Variants in COL19A1 observed in about 807,000 individuals in gnomAD.
COL19A1 encodes the protein collagen alpha-1(XIX) chain.
Under a neutral mutation model 190.2 loss-of-function variants are expected in COL19A1, and 159 were observed. The observed-to-expected ratio is 0.84, with a 90% CI of 0.73 to 0.95. The LOEUF is 0.95. Ranked by LOEUF, COL19A1 falls within the 40% of genes least tolerant of loss-of-function variation. The probability of loss-of-function intolerance (pLI) is 0.00; values close to 1 mark genes in which losing one functional copy is unlikely to be tolerated. For synonymous variants in COL19A1, 509 were observed against 458.9 expected, an observed-to-expected ratio of 1.11 and a Z score of -1.39; for missense variants, 1,418 against 1,431.9, an observed-to-expected ratio of 0.99 and a Z score of 0.16.
Position 69,929,697 on chromosome 6 carries a change from G to C in COL19A1, c.663G>C (p.Val221=), listed in dbSNP as rs202179391. 17 of 1,609,274 alleles carry C rather than the reference G, an allele frequency of 1.1e-5. No individual in the cohort carries two copies. The Middle Eastern group carries it at 5.0e-4, about 47-fold the overall frequency. ...CGCGAGCTTCAGATGGCAAGCCTGT[G>C]GATGTAAGTTGTGATGTTAGTTGTG... is the stretch of plus-strand genomic sequence containing the variant. ...IATRASDGKP[V]DIELHQLKIY... is the part of the protein sequence containing the mutation. The change falls in exon 6 of 51, where the codon GTG becomes GTC. Residue 221 remains valine (V), a synonymous_variant. Transcript: ENST00000620364.
chr6:70,197,929 AT>A (rs1389873064), intron 48 of COL19A1, among the ~76,000 whole-genome samples: 1 of 152,250 alleles, frequency 6.6e-6, no homozygotes, highest in Non-Finnish European at 1.5e-5. Flanking sequence ...ATAATTCTAT[AT>A]GAAAAAACAA....
chr6:70,179,361 A>C (rs1445880140), intron 42 of COL19A1, among the ~76,000 whole-genome samples: 1 of 152,116 alleles, frequency 6.6e-6, no homozygotes, highest in Non-Finnish European at 1.5e-5. Flanking sequence ...AAGGGACAGG[A>C]GGTGGTTCCT....
At position 70,200,925 on chromosome 6, in the gene COL19A1, A is replaced by G. The variant is rs73746897; in HGVS notation, c.3223+1189A>G. ...TTTTAAACGATACATATATTCCACC[A>G]TTATCTTTAGATTATAGTGAAGTTT... On this transcript the variant is annotated intron_variant, in intron 49 of 50. Coordinates refer to ENST00000620364, the MANE Select transcript of COL19A1 (RefSeq NM_001858.6). Among the ~76,000 whole-genome samples the G allele has an allele frequency of 8.9e-3, 1,351 of 152,310 alleles. 18 individuals are homozygous for G. The highest frequency in any genetic ancestry group is 0.03 in the African/African-American group (1,238 of 41,556).
At chr6:70,036,303 A>C (rs1463343402) in intron 14 of COL19A1, among the ~76,000 whole-genome samples, 1 of 152,250 alleles carries the variant, frequency 6.6e-6, no homozygotes, top group Non-Finnish European at 1.5e-5. Context: ...AAACTGTAAA[A>C]GGACAAAACA....
At chr6:70,064,773 C>T (rs1481548299) in intron 14 of COL19A1, among the ~76,000 whole-genome samples, 2 of 151,486 alleles carry the variant, frequency 1.3e-5, no homozygotes, top group African/African-American at 2.4e-5. Flanking sequence ...TCTCAGGATA[C>T]AAAATGTGCA....
At chr6:70,123,047 C>T (rs1487541285) in intron 17 of COL19A1, among the ~76,000 whole-genome samples, 1 of 152,058 alleles carries the variant, frequency 6.6e-6, no homozygotes, top group Non-Finnish European at 1.5e-5. Context: ...TTTAATTTCT[C>T]AACCTACTCA....
At chr6:70,063,526 G>C (rs1780975114) in intron 14 of COL19A1, among the ~76,000 whole-genome samples, 1 of 152,102 alleles carries the variant, frequency 6.6e-6, no homozygotes, top group Non-Finnish European at 1.5e-5. Context: ...ACAAGAGAAA[G>C]CAGGAAAGAT....
At chr6:70,146,616 C>G in intron 25 of COL19A1, 43 bp from the exon 26 acceptor site, 1 of 1,507,260 alleles carries the variant, frequency 6.6e-7, no homozygotes, top group African/African-American at 1.4e-5. Flanking sequence ...GTGTTTATAA[C>G]TTTTCTAGAA....
chr6:70,123,494 A>G (rs1471674705), intron 17 of COL19A1, among the ~76,000 whole-genome samples: 155 of 149,346 alleles, frequency 1.0e-3, no homozygotes, highest in African/African-American at 3.8e-3. Flanking sequence ...TGCTGCTATA[A>G]AGACACATGC....
intron 30 of COL19A1, 87 bp from the exon 31 acceptor site, chr6:70,151,310 G>A: frequency 3.0e-6 from 4 of 1,343,484 alleles, no homozygotes; most frequent in Non-Finnish European, 4.2e-6. Flanking sequence ...GCATTTTGAG[G>A]AAAAATGTCT....
chr6:69,873,856 GA>G (rs958709082), intron 1 of COL19A1, among the ~76,000 whole-genome samples: 2 of 152,026 alleles, frequency 1.3e-5, no homozygotes, highest in African/African-American at 4.8e-5. Flanking sequence ...ACAAGTTTGA[GA>G]AAAAAATTTG....
chr6:69,960,017 G>C lies in COL19A1; in HGVS notation c.958G>C (p.Ala320Pro), dbSNP rs776790775. The C allele has an allele frequency of 7.3e-5, 117 of 1,613,396 alleles. No homozygotes were observed. Among genetic ancestry groups the C allele is most frequent in the South Asian group, 1.8e-4 (16 of 90,946 alleles). The stretch of plus-strand genomic sequence containing the variant: ...TTAGGGTGAAAATGGTTTACATGGT[G>C]CTCCAGGATTCCCTGGTCAAAAGGT... ...GEPGENGLHGAPGFPGQKGEQ... is the reference protein window; with the variant it reads ...GEPGENGLHGPPGFPGQKGEQ... Residue 320 changes from alanine (A) to proline (P), a missense_variant, in exon 10 of 51, where the codon GCT becomes CCT. Ala to Pro is a conservative substitution (Grantham distance 27). Transcript: ENST00000620364.
chr6:70,203,435 A>G (rs1767669955), intron 49 of COL19A1, among the ~76,000 whole-genome samples: 2 of 152,216 alleles, frequency 1.3e-5, no homozygotes, highest in African/African-American at 2.4e-5. Context: ...ATTTAGTAGC[A>G]TTAGGGGCAT....
chr6:69,973,467 A>G (rs1775541425), intron 11 of COL19A1, among the ~76,000 whole-genome samples: 1 of 152,204 alleles, frequency 6.6e-6, no homozygotes, highest in Non-Finnish European at 1.5e-5. Flanking sequence ...TTCAAAAACA[A>G]GGAATAGATC....
At chr6:70,047,204 A>G (rs989973698) in intron 14 of COL19A1, among the ~76,000 whole-genome samples, 8 of 152,158 alleles carry the variant, frequency 5.3e-5, no homozygotes, top group Non-Finnish European at 1.0e-4. Flanking sequence ...ATTTTTTAAG[A>G]TACTGTATTC....
At chr6:70,065,618 T>G (rs1582823452) in intron 14 of COL19A1, among the ~76,000 whole-genome samples, 1 of 152,094 alleles carries the variant, frequency 6.6e-6, no homozygotes, top group African/African-American at 2.4e-5. Context: ...GGGATCTAAT[T>G]AAACTAAAGA....
intron 15 of COL19A1, among the ~76,000 whole-genome samples, chr6:70,091,746 A>T (rs924336199): frequency 1.4e-5 from 2 of 147,496 alleles, no homozygotes; most frequent in Admixed American, 6.9e-5. Flanking sequence ...GAACATAAAA[A>T]GAATCTGGCG....
chr6:70,044,207 T>G (rs1207152250), intron 14 of COL19A1, among the ~76,000 whole-genome samples: 1 of 152,228 alleles, frequency 6.6e-6, no homozygotes, highest in East Asian at 1.9e-4. Flanking sequence ...GGCTTTGATT[T>G]AAGGGAATGT....
Position 70,144,898 on chromosome 6 carries a change from T to C in COL19A1, c.1681-20T>C. The C allele has an allele frequency of 6.7e-7, 1 of 1,498,232 alleles. No individual in the cohort carries two copies. Among genetic ancestry groups the C allele is most frequent in the African/African-American group, 1.4e-5 (1 of 72,390 alleles). 92.8% of individuals were successfully genotyped at this position (1,498,232 alleles called of 1,614,324 possible). ...ATGAACCTGAGCATCAAAGTAAGAA[T>C]CTTACCTTGTTTTCTACAGGGAGAT... is the stretch of plus-strand genomic sequence containing the variant. On this transcript the variant is annotated intron_variant, in intron 24 of 50. Transcript: ENST00000620364.
Sources: allele counts gnomAD v4.1 joint callset (sites outside exome capture counted in the v4.1 genomes callset), GRCh38; gene constraint gnomAD v4.1.1; transcripts MANE v1.5; gene names NCBI Gene and HGNC (gene_info 2026-07-23, HGNC 2026-07-21).